KIAA1217: variants seen among roughly 807,000 people sequenced by gnomAD.
KIAA1217 encodes sickle tail protein homolog.
A neutral mutation model predicts 163.9 loss-of-function variants in KIAA1217; 88 were observed. That is an observed-to-expected ratio of 0.54 (90% CI 0.45 to 0.64). The LOEUF (loss-of-function observed/expected upper bound fraction) is 0.64. KIAA1217 is among the 30% of genes least tolerant of loss of function. KIAA1217 has a pLI of 0.00. For missense variants in KIAA1217, 2,372 were observed against 2,475.0 expected, an observed-to-expected ratio of 0.96 and a Z score of 0.88; for synonymous variants, 903 against 923.1, an observed-to-expected ratio of 0.98 and a Z score of 0.39.
chr10:24,155,565 A>G (rs1277510662), intron 2 of KIAA1217, among the ~76,000 whole-genome samples: 2 of 152,292 alleles, frequency 1.3e-5, no homozygotes, highest in Admixed American at 6.5e-5. Context: ...TGATGCCTAT[A>G]ATCCCAGCAC....
chr10:23,924,341 A>AAAT (rs1842948808), intron 1 of KIAA1217, among the ~76,000 whole-genome samples: 3 of 152,190 alleles, frequency 2.0e-5, no homozygotes, highest in African/African-American at 7.2e-5. Flanking sequence ...TATAACTACC[A>AAAT]GAATGACCAA....
chr10:23,878,315 C>A (rs903926766), intron 1 of KIAA1217, among the ~76,000 whole-genome samples: 3 of 151,874 alleles, frequency 2.0e-5, no homozygotes, highest in Admixed American at 2.0e-4. Flanking sequence ...GGCATTCTGA[C>A]AGTAGTTTGG....
chr10:23,916,977 A>G (rs1023025181), intron 1 of KIAA1217, among the ~76,000 whole-genome samples: 3 of 151,612 alleles, frequency 2.0e-5, no homozygotes, highest in Non-Finnish European at 2.9e-5. Context: ...TCAAAAAAAA[A>G]AAAAAAAAAA....
intron 7 of KIAA1217, 62 bp from the exon 8 acceptor site, chr10:24,495,085 T>TTAA: frequency 2.4e-6 from 3 of 1,233,728 alleles, no homozygotes; most frequent in Non-Finnish European, 3.4e-6. Flanking sequence ...GAATGGGCTT[T>TTAA]AAAAAAAAAA....
intron 2 of KIAA1217, among the ~76,000 whole-genome samples, chr10:24,186,117 A>G (rs2066417964): frequency 6.6e-6 from 1 of 152,138 alleles, no homozygotes; most frequent in Non-Finnish European, 1.5e-5. Flanking sequence ...TTCTGAAATC[A>G]TCATTCTATG....
In KIAA1217 at chr10:24,324,535, C is replaced by G. The variant is rs191723185; in HGVS notation, c.355-56334C>G. 2.2e-3 allele frequency among the ~76,000 whole-genome samples: 336 copies of G among 152,302 alleles called. 4 individuals carry two copies. The highest frequency in any genetic ancestry group is 7.7e-3 in the African/African-American group (321 of 41,556). ...TGAGCCAAGATCCTGTCACTGCGCT[C>G]CATCCTGGGCAACAGAGCAAGACTT... On this transcript the variant is annotated intron_variant, in intron 2 of 20. Coordinates refer to ENST00000376454, the MANE Select transcript of KIAA1217 (RefSeq NM_019590.5).
intron 2 of KIAA1217, among the ~76,000 whole-genome samples, chr10:24,161,331 G>T (rs538135752): frequency 6.6e-6 from 1 of 152,200 alleles, no homozygotes; most frequent in Non-Finnish European, 1.5e-5. Context: ...GTAATGGTGG[G>T]TTTCAGGCAT....
intron 2 of KIAA1217, among the ~76,000 whole-genome samples, chr10:24,122,421 A>T (rs990484415): frequency 1.3e-5 from 2 of 152,118 alleles, no homozygotes; most frequent in African/African-American, 4.8e-5. Flanking sequence ...GGTTGATTCC[A>T]TGTCCTTGCT....
At chr10:23,930,718 C>T (rs1170071960) in intron 1 of KIAA1217, among the ~76,000 whole-genome samples, 1 of 152,170 alleles carries the variant, frequency 6.6e-6, no homozygotes. Context: ...AGGAAAAAGA[C>T]ATTGGAGGAC....
chr10:24,149,216 G>A (rs1261963716), intron 2 of KIAA1217, among the ~76,000 whole-genome samples: 1 of 152,156 alleles, frequency 6.6e-6, no homozygotes, highest in Non-Finnish European at 1.5e-5. Flanking sequence ...GTCTCACTCT[G>A]TCACCCAGGC....
At chr10:24,005,545 TCC>T (rs1846955784) in intron 1 of KIAA1217, among the ~76,000 whole-genome samples, 1 of 152,154 alleles carries the variant, frequency 6.6e-6, no homozygotes, top group Non-Finnish European at 1.5e-5. Context: ...TGGGTTCAAA[TCC>T]TGAGTCTGCT....
At chr10:24,537,749 A>G (rs2074250821) in intron 17 of KIAA1217, among the ~76,000 whole-genome samples, 1 of 152,196 alleles carries the variant, frequency 6.6e-6, no homozygotes, top group South Asian at 2.1e-4. Context: ...TATAAAGTGT[A>G]CCTTCCAAGA....
intron 1 of KIAA1217, among the ~76,000 whole-genome samples, chr10:23,783,738 T>C (rs1020684299): frequency 6.6e-6 from 1 of 152,128 alleles, no homozygotes; most frequent in African/African-American, 2.4e-5. Context: ...TTTAATCCTT[T>C]CTGTGCTATT....
At chr10:23,930,743 C>T (rs1197848085) in intron 1 of KIAA1217, among the ~76,000 whole-genome samples, 1 of 152,174 alleles carries the variant, frequency 6.6e-6, no homozygotes, top group Admixed American at 6.5e-5. Context: ...TCTTTTCCTT[C>T]ATTGCACTCG....
At chr10:24,345,550 G>A (rs988990638) in intron 2 of KIAA1217, among the ~76,000 whole-genome samples, 1 of 152,232 alleles carries the variant, frequency 6.6e-6, no homozygotes, top group Non-Finnish European at 1.5e-5. Flanking sequence ...ACTTGATTGA[G>A]TGCAGATCCA....
At chr10:23,859,180 G>A (rs1839843939) in intron 1 of KIAA1217, among the ~76,000 whole-genome samples, 1 of 152,146 alleles carries the variant, frequency 6.6e-6, no homozygotes, top group Non-Finnish European at 1.5e-5. Context: ...TGTGAAACTT[G>A]TTACATTTAT....
chr10:24,376,789 A>G (rs539999845), intron 2 of KIAA1217, among the ~76,000 whole-genome samples: 1 of 152,212 alleles, frequency 6.6e-6, no homozygotes, highest in South Asian at 2.1e-4. Flanking sequence ...ATGACCAACC[A>G]ACCAATCTTA....
At chr10:24,326,825 A>G (rs2044972354) in intron 2 of KIAA1217, among the ~76,000 whole-genome samples, 1 of 152,326 alleles carries the variant, frequency 6.6e-6, no homozygotes, top group Non-Finnish European at 1.5e-5. Flanking sequence ...TAGGAAAGGT[A>G]CAACTGGAAA....
chr10:23,874,345 T>A (rs1840589357), intron 1 of KIAA1217, among the ~76,000 whole-genome samples: 1 of 152,034 alleles, frequency 6.6e-6, no homozygotes. Context: ...CTCTTTCAGA[T>A]GTCATGGGAT....
Sources: allele counts gnomAD v4.1 joint callset (sites outside exome capture counted in the v4.1 genomes callset), GRCh38; gene constraint gnomAD v4.1.1; transcripts MANE v1.5; gene names NCBI Gene and HGNC (gene_info 2026-07-23, HGNC 2026-07-21).